The following KIFAP3 variants were observed in gnomAD, a reference collection of about 807,000 sequenced individuals.
The protein encoded by KIFAP3 is kinesin associated protein 3, also known as kinesin-associated protein 3.
A neutral mutation model predicts 106.5 loss-of-function variants in KIFAP3; 68 were observed. The ratio of observed to expected loss-of-function variants is 0.64; its 90% CI spans 0.53 to 0.78. The LOEUF is 0.78. KIFAP3 is among the 30% of genes least tolerant of loss of function. The pLI, the probability that KIFAP3 is intolerant of heterozygous loss-of-function variation, is 0.00. For missense variants in KIFAP3, 780 were observed against 941.8 expected, an observed-to-expected ratio of 0.83 and a Z score of 2.25; for synonymous variants, 320 against 311.5, an observed-to-expected ratio of 1.03 and a Z score of -0.29.
In KIFAP3 at chr1:169,954,077, G is replaced by T. The variant is rs756186243; in HGVS notation, c.2207C>A (p.Pro736His). Residue 736 changes from proline to histidine, a missense_variant, in exon 19 of 20, where the codon CCC (proline) becomes CAC (histidine). Coordinates refer to ENST00000361580, the MANE Select transcript of KIFAP3 (RefSeq NM_014970.4). Reference protein sequence around the residue: ...GLIASEGAISPDFFNDYHLQN... With the variant: ...GLIASEGAISHDFFNDYHLQN... ...AAGGTGGTAATCATTGAAGAAATCG[G>T]GACTTATGGCTCCTTCAGAGGCAAT... is the stretch of plus-strand genomic sequence containing the variant. 16 of 1,612,954 alleles carry T rather than the reference G, an allele frequency of 9.9e-6. No individual in the cohort carries two copies. Among genetic ancestry groups the T allele is most frequent in the Non-Finnish European group, 1.4e-5 (16 of 1,179,298 alleles).
At chr1:170,007,657 A>G (rs758707776) in intron 10 of KIFAP3, among the ~76,000 whole-genome samples, 2 of 152,156 alleles carry the variant, frequency 1.3e-5, no homozygotes, top group Non-Finnish European at 2.9e-5. Flanking sequence ...ACGCTCATGG[A>G]TAGAAGAATC....
chr1:169,927,926 A>C (rs1467116966), intron 19 of KIFAP3, among the ~76,000 whole-genome samples: 1 of 151,578 alleles, frequency 6.6e-6, no homozygotes, highest in Non-Finnish European at 1.5e-5. Flanking sequence ...AGAATGACCA[A>C]ATTCTATGTT....
At position 169,987,104 on chromosome 1, in the gene KIFAP3, G is replaced by A. The variant is rs571121894; in HGVS notation, c.1285-2414C>T. On this transcript the variant is annotated intron_variant, in intron 11 of 19. Coordinates refer to ENST00000361580, the MANE Select transcript of KIFAP3 (RefSeq NM_014970.4). ...AATTAAAGCTTTCAAATTTAAAAAA[G>A]CAATGTTTAGTTCAAACTCCACATG... is the stretch of plus-strand genomic sequence containing the variant. Among the ~76,000 whole-genome samples, 371 of 152,034 alleles carry A rather than the reference G, an allele frequency of 2.4e-3. 2 individuals carry two copies. The highest frequency in any genetic ancestry group is 8.7e-3 in the African/African-American group (360 of 41,520).
chr1:170,030,061 G>A (rs535591473), intron 8 of KIFAP3, among the ~76,000 whole-genome samples: 54 of 151,858 alleles, frequency 3.6e-4, no homozygotes, highest in African/African-American at 1.2e-3. Context: ...GTAACCTTTA[G>A]TTAGGAAAGG....
chr1:170,062,662 A>C (rs1376152439), intron 1 of KIFAP3, among the ~76,000 whole-genome samples: 1 of 152,120 alleles, frequency 6.6e-6, no homozygotes, highest in African/African-American at 2.4e-5. Flanking sequence ...CAATTGTATG[A>C]GCAGGTTTTG....
At chr1:169,961,336 G>A in intron 17 of KIFAP3, 101 bp from the exon 18 acceptor site, 2 of 788,712 alleles carry the variant, frequency 2.5e-6, no homozygotes, top group South Asian at 3.3e-5. Context: ...GCCCTTCACT[G>A]GGTCAGAGGA....
At chr1:169,964,909 G>T (rs151252250) in intron 17 of KIFAP3, among the ~76,000 whole-genome samples, 1 of 152,204 alleles carries the variant, frequency 6.6e-6, no homozygotes, top group African/African-American at 2.4e-5. Context: ...ATTAAAGTTA[G>T]CTGCAGAAAG....
At chr1:170,050,870 T>C (rs1486579119) in intron 2 of KIFAP3, among the ~76,000 whole-genome samples, 1 of 152,060 alleles carries the variant, frequency 6.6e-6, no homozygotes, top group African/African-American at 2.4e-5. Context: ...GAAAACCCAG[T>C]ACCAGCCACT....
At chr1:170,016,679 AAGAAT>A in intron 9 of KIFAP3, 55 bp from the exon 10 acceptor site, 5 of 1,071,604 alleles carry the variant, frequency 4.7e-6, no homozygotes, top group Non-Finnish European at 6.6e-6. Context: ...ATAGGACAAA[AAGAAT>A]ATAATTATTT....
chr1:170,050,908 A>T (rs1173966488), intron 2 of KIFAP3, among the ~76,000 whole-genome samples: 2 of 152,138 alleles, frequency 1.3e-5, no homozygotes, highest in African/African-American at 4.8e-5. Context: ...TATAACGACC[A>T]ATGACACTGA....
chr1:170,063,020 C>T (rs559531241), intron 1 of KIFAP3, among the ~76,000 whole-genome samples: 13 of 152,026 alleles, frequency 8.6e-5, no homozygotes, highest in African/African-American at 2.7e-4. Flanking sequence ...CTGCCTCTAT[C>T]GACTCTAAAA....
chr1:170,020,881 C>T (rs950702479), intron 9 of KIFAP3, among the ~76,000 whole-genome samples: 57 of 152,060 alleles, frequency 3.7e-4, no homozygotes, highest in African/African-American at 1.4e-3. Flanking sequence ...ATGACAAAAA[C>T]CTCTATAAAA....
intron 1 of KIFAP3, among the ~76,000 whole-genome samples, chr1:170,072,583 T>C (rs1048068421): frequency 2.6e-5 from 4 of 152,094 alleles, no homozygotes; most frequent in Admixed American, 1.3e-4. Context: ...CACATAGAGA[T>C]TCAAAAAAAA....
chr1:170,038,243 T>C, intron 5 of KIFAP3, 47 bp downstream of exon 5: 1 of 1,391,068 alleles, frequency 7.2e-7, no homozygotes, highest in South Asian at 1.4e-5. Flanking sequence ...TATAAATAAC[T>C]GTAACTTATT....
chr1:170,007,722 C>T (rs1668040503), intron 10 of KIFAP3, among the ~76,000 whole-genome samples: 1 of 152,034 alleles, frequency 6.6e-6, no homozygotes, highest in Non-Finnish European at 1.5e-5. Flanking sequence ...CAATGCTACC[C>T]CATCAAGCTA....
At chr1:170,045,062 T>C (rs1337789125) in intron 3 of KIFAP3, among the ~76,000 whole-genome samples, 4 of 152,180 alleles carry the variant, frequency 2.6e-5, no homozygotes, top group South Asian at 2.1e-4. Flanking sequence ...TCTGCTTTCT[T>C]TGGTAGCAGG....
At chr1:170,056,010 T>C (rs1452736265) in intron 1 of KIFAP3, among the ~76,000 whole-genome samples, 1 of 151,978 alleles carries the variant, frequency 6.6e-6, no homozygotes, top group Non-Finnish European at 1.5e-5. Context: ...CAGGTGTCTG[T>C]AGTCCTAGCT....
At chr1:169,959,827 A>C (rs1285331200) in intron 18 of KIFAP3, among the ~76,000 whole-genome samples, 2 of 152,118 alleles carry the variant, frequency 1.3e-5, no homozygotes, top group African/African-American at 2.4e-5. Flanking sequence ...TGAATACTGA[A>C]TATGTAAGGA....
chr1:170,033,487 G>A (rs923237727), intron 7 of KIFAP3, among the ~76,000 whole-genome samples: 4 of 151,726 alleles, frequency 2.6e-5, no homozygotes, highest in African/African-American at 4.8e-5. Context: ...TTACCAGCAT[G>A]CCTAGTTGAT....
Sources: gnomAD v4.1 joint callset for allele counts (sites outside exome capture counted in the v4.1 genomes callset) on GRCh38, gnomAD v4.1.1 for gene constraint, MANE v1.5 for transcripts, NCBI Gene and HGNC (gene_info 2026-07-23, HGNC 2026-07-21) for gene names.